NT5C2: variants seen among roughly 807,000 people sequenced by gnomAD.
NT5C2 encodes the protein 5'-nucleotidase, cytosolic II.
In NT5C2, 58 loss-of-function variants were observed where a neutral mutation model predicts 76.1. The ratio of observed to expected loss-of-function variants is 0.76; its 90% CI spans 0.62 to 0.95. The LOEUF is 0.95. NT5C2 is among the 40% of genes least tolerant of loss of function. The pLI, the probability that NT5C2 is intolerant of heterozygous loss-of-function variation, is 0.00. For synonymous variants in NT5C2, 229 were observed against 237.4 expected, an observed-to-expected ratio of 0.96 and a Z score of 0.32; for missense variants, 478 against 690.3, an observed-to-expected ratio of 0.69 and a Z score of 3.45.
chr10:103,101,301 T>A lies in NT5C2; in HGVS notation c.415A>T (p.Asn139Tyr). The A allele has an allele frequency of 6.2e-7, 1 of 1,605,654 alleles. No individual in the cohort carries two copies. Among genetic ancestry groups the A allele is most frequent in the East Asian group, 2.2e-5 (1 of 44,724 alleles). The change falls in exon 7 of 19, where the codon AAT becomes TAT. Residue 139 changes from asparagine (N) to tyrosine (Y), a missense_variant. Coordinates refer to ENST00000404739, the MANE Select transcript of NT5C2 (RefSeq NM_001351169.2). ...GTATCATCTCGCTGGATAAATTTAT[T>A]TGGATACTGTTCTCTAGTTTCTGGT... is the stretch of plus-strand genomic sequence containing the variant. ...RGPETREQYPNKFIQRDDTER... is the reference protein window; with the variant it reads ...RGPETREQYPYKFIQRDDTER...
intron 3 of NT5C2, among the ~76,000 whole-genome samples, chr10:103,144,864 A>G (rs1460338531): frequency 2.0e-5 from 3 of 152,254 alleles, no homozygotes; most frequent in Non-Finnish European, 4.4e-5. Flanking sequence ...AATATCCTTT[A>G]TCTTTCCATT....
chr10:103,091,138 G>T (rs11191552), intron 16 of NT5C2, 142 bp from the exon 17 acceptor site: 4 of 696,736 alleles, frequency 5.7e-6, no homozygotes, highest in Non-Finnish European at 9.9e-6. Flanking sequence ...AGCTTCAAGC[G>T]ATTCTCCTGC....
At chr10:103,105,985 T>C (rs562040894) in intron 5 of NT5C2, among the ~76,000 whole-genome samples, 184 bp from the exon 6 acceptor site, 4 of 152,182 alleles carry the variant, frequency 2.6e-5, no homozygotes, top group Admixed American at 6.6e-5. Context: ...CTAAAAAATA[T>C]TGACTCCGTC....
At chr10:103,164,354 T>C (rs1591644308) in intron 3 of NT5C2, among the ~76,000 whole-genome samples, 1 of 152,026 alleles carries the variant, frequency 6.6e-6, no homozygotes, top group Non-Finnish European at 1.5e-5. Flanking sequence ...GCCTCCTGGG[T>C]TCAAGTGATT....
intron 3 of NT5C2, among the ~76,000 whole-genome samples, chr10:103,164,718 A>T (rs2085929110): frequency 6.6e-6 from 1 of 152,228 alleles, no homozygotes. Flanking sequence ...CAGACATTAC[A>T]ATTAATACAG....
In NT5C2 at chr10:103,168,840, T is replaced by C. The variant is rs1011188799; in HGVS notation, c.101+6018A>G. On this transcript the variant is annotated intron_variant, in intron 3 of 18. Transcript: ENST00000404739. ...TTTAGCTTCTTCTAAAGGGAAATTG[T>C]AAAGCATCACATACGATGTATACTT... Among the ~76,000 whole-genome samples the C allele has an allele frequency of 3.9e-5, 6 of 152,234 alleles. 1 individual carries two copies. The highest frequency in any genetic ancestry group is 2.0e-4 in the Admixed American group (3 of 15,286).
chr10:103,174,095 CA>C (rs59543748), intron 3 of NT5C2, among the ~76,000 whole-genome samples: 20,113 of 81,276 alleles, frequency 0.25, 1,393 homozygotes, highest in African/African-American at 0.34. Flanking sequence ...GACTCCGTCT[CA>C]AAAAAAAAAA....
chr10:103,190,471 CA>C (rs957030460), intron 1 of NT5C2, among the ~76,000 whole-genome samples: 1 of 151,714 alleles, frequency 6.6e-6, no homozygotes, highest in Non-Finnish European at 1.5e-5. Flanking sequence ...TCACTCTGAG[CA>C]AAAAAAACTA....
At chr10:103,134,503 A>G (rs368261226) in intron 4 of NT5C2, among the ~76,000 whole-genome samples, 2 of 152,316 alleles carry the variant, frequency 1.3e-5, no homozygotes, top group South Asian at 2.1e-4. Flanking sequence ...ACCTCCACCT[A>G]TATTTCAGAG....
rs1180354638 is a variant in NT5C2 at position 103,090,660 on chromosome 10, T to C, written c.1400A>G (p.Asn467Ser). 6.2e-7 allele frequency: 1 copy of C among 1,613,968 alleles called. No individual in the cohort carries two copies. Among genetic ancestry groups the C allele is most frequent in the South Asian group, 1.1e-5 (1 of 91,048 alleles). The part of the protein sequence containing the change: ...YADLYAASFI[N>S]LLYYPFSYLF... Reference sequence around the variant, plus strand: ...GTAGCTGAAAGGGTAATACAGCAGGTTGATGAAAGATGCTGCATAGAGGTC... The same window carrying C: ...GTAGCTGAAAGGGTAATACAGCAGGCTGATGAAAGATGCTGCATAGAGGTC... Residue 467 changes from asparagine (N) to serine (S), a missense_variant, in exon 18 of 19, where the codon AAC becomes AGC. Asn to Ser is a conservative substitution (Grantham distance 46, BLOSUM62 1). Coordinates refer to ENST00000404739, the MANE Select transcript of NT5C2 (RefSeq NM_001351169.2).
chr10:103,161,297 C>G (rs1456404134), intron 3 of NT5C2, among the ~76,000 whole-genome samples: 1 of 152,098 alleles, frequency 6.6e-6, no homozygotes, highest in Non-Finnish European at 1.5e-5. Flanking sequence ...CCCACCTCAG[C>G]CTCTTGAATA....
intron 3 of NT5C2, chr10:103,153,463 C>T (rs1265136898): frequency 5.1e-6 from 5 of 985,282 alleles, no homozygotes; most frequent in Non-Finnish European, 6.0e-6. Context: ...TAGGCAATAT[C>T]TCAGTGACCA....
intron 3 of NT5C2, among the ~76,000 whole-genome samples, chr10:103,146,766 T>C (rs1473906333): frequency 6.6e-6 from 1 of 152,212 alleles, no homozygotes; most frequent in Non-Finnish European, 1.5e-5. Flanking sequence ...GAATCCAATC[T>C]TCCATTCAAT....
intron 3 of NT5C2, among the ~76,000 whole-genome samples, chr10:103,162,206 G>T (rs2085086657): frequency 6.6e-6 from 1 of 151,812 alleles, no homozygotes; most frequent in Non-Finnish European, 1.5e-5. Flanking sequence ...AGTAGAGACG[G>T]GGTTTCACCA....
chr10:103,172,899 T>C (rs1398161102), intron 3 of NT5C2, among the ~76,000 whole-genome samples: 1 of 151,934 alleles, frequency 6.6e-6, no homozygotes, highest in Non-Finnish European at 1.5e-5. Flanking sequence ...ACTCAGCTAC[T>C]CAGACAGCTG....
chr10:103,124,766 A>G (rs2076353784), intron 4 of NT5C2, among the ~76,000 whole-genome samples: 6 of 151,920 alleles, frequency 3.9e-5, no homozygotes, highest in Admixed American at 3.9e-4. Context: ...CTACCACACC[A>G]TGAGGTTTTT....
At chr10:103,159,131 G>A (rs777333568) in intron 3 of NT5C2, among the ~76,000 whole-genome samples, 23 of 152,014 alleles carry the variant, frequency 1.5e-4, no homozygotes, top group Non-Finnish European at 3.1e-4. Context: ...TATTCAGGAG[G>A]CTGAGGCAGG....
intron 4 of NT5C2, among the ~76,000 whole-genome samples, chr10:103,135,817 G>A (rs538053557): frequency 9.9e-5 from 15 of 151,944 alleles, no homozygotes; most frequent in Non-Finnish European, 1.9e-4. Context: ...GGGCGTGGTG[G>A]CTCATGCCTG....
intron 4 of NT5C2, among the ~76,000 whole-genome samples, chr10:103,117,481 T>C (rs1043580490): frequency 2.6e-5 from 4 of 152,278 alleles, no homozygotes; most frequent in South Asian, 2.1e-4. Flanking sequence ...GCCCCCTCTC[T>C]ACAGAAAATT....
Sources: gnomAD v4.1 joint callset for allele counts (sites outside exome capture counted in the v4.1 genomes callset) on GRCh38, gnomAD v4.1.1 for gene constraint, MANE v1.5 for transcripts, NCBI Gene and HGNC (gene_info 2026-07-23, HGNC 2026-07-21) for gene names.